The following LINGO2 variants were observed in gnomAD, a reference collection of about 807,000 sequenced individuals.
LINGO2 encodes the protein leucine-rich repeat and immunoglobulin-like domain-containing nogo receptor-interacting protein 2.
LINGO2 carries 14 observed loss-of-function variants against 30.6 expected under a neutral mutation model. The ratio of observed to expected loss-of-function variants is 0.46; its 90% CI spans 0.30 to 0.72. The LOEUF (loss-of-function observed/expected upper bound fraction) is 0.72. Among genes scored for constraint, LINGO2 ranks in the 30% least tolerant of loss-of-function variants. LINGO2 has a pLI of 0.07. For synonymous variants in LINGO2, 317 were observed against 288.5 expected (o/e 1.10, Z -1.00); for missense variants, 729 against 751.7 (o/e 0.97, Z 0.35).
chr9:28,345,014 T>G (rs1819510103), intron 3 of LINGO2, among the ~76,000 whole-genome samples: 1 of 152,066 alleles, frequency 6.6e-6, no homozygotes, highest in Admixed American at 6.6e-5. Context: ...GTTCACTGAC[T>G]CAATATAAAA....
At chr9:28,856,114 T>C in the LINGO2 span, among the ~76,000 whole-genome samples, 47 of 152,030 alleles carry the variant, frequency 3.1e-4, no homozygotes, top group South Asian at 8.1e-3. Flanking sequence ...TTACAGTTGC[T>C]TCAACGAATA....
chr9:28,079,167 ACACAAT>A (rs1468936626), intron 4 of LINGO2, among the ~76,000 whole-genome samples: 2 of 135,290 alleles, frequency 1.5e-5, no homozygotes, highest in African/African-American at 7.7e-5. Context: ...TCAGGTTTTA[ACACAAT>A]CCCAACTGCC....
At chr9:28,117,776 C>G (rs903113683) in intron 4 of LINGO2, among the ~76,000 whole-genome samples, 2 of 149,500 alleles carry the variant, frequency 1.3e-5, no homozygotes, top group Admixed American at 1.3e-4. Flanking sequence ...GGCTCGCGGA[C>G]GGTGCGCACA....
At chr9:28,087,665 C>CATTT (rs1563966380) in intron 4 of LINGO2, among the ~76,000 whole-genome samples, 1 of 151,968 alleles carries the variant, frequency 6.6e-6, no homozygotes, top group African/African-American at 2.4e-5. Flanking sequence ...ACTCAACATG[C>CATTT]ATTTCCATTT....
chr9:28,108,819 T>C (rs1826676757), intron 4 of LINGO2, among the ~76,000 whole-genome samples: 1 of 152,144 alleles, frequency 6.6e-6, no homozygotes, highest in South Asian at 2.1e-4. Context: ...TTTATCCATG[T>C]TTTGTAGATG....
At chr9:28,628,114 G>T (rs921721626) in intron 1 of LINGO2, among the ~76,000 whole-genome samples, 2 of 151,944 alleles carry the variant, frequency 1.3e-5, no homozygotes, top group Non-Finnish European at 2.9e-5. Context: ...AAAGAACGTT[G>T]TCTTCAAAGC....
chr9:28,645,733 C>A (rs180868493), intron 1 of LINGO2, among the ~76,000 whole-genome samples: 245 of 152,080 alleles, frequency 1.6e-3, no homozygotes, highest in African/African-American at 5.8e-3. Flanking sequence ...CCTTGGTAGC[C>A]CTATCTACTG....
chr9:28,606,812 A>T lies in LINGO2; in HGVS notation c.-365+63388T>A, dbSNP rs112266098. The stretch of plus-strand genomic sequence containing the variant: ...TGCAATTATGTAAAATTGAATCATA[A>T]AACGAGTTAGTGGAATAGGAGGATT... On this transcript the variant is annotated intron_variant, in intron 1 of 5. Coordinates refer to ENST00000379992, the Ensembl canonical transcript of LINGO2. Among the ~76,000 whole-genome samples, 9 of 152,238 alleles carry T rather than the reference A, an allele frequency of 5.9e-5. 1 individual carries two copies. The highest frequency in any genetic ancestry group is 1.9e-4 in the African/African-American group (8 of 41,578).
the LINGO2 span, among the ~76,000 whole-genome samples, chr9:28,868,553 C>A: frequency 2.0e-5 from 3 of 152,078 alleles, no homozygotes; most frequent in Admixed American, 2.0e-4. Context: ...AATCTGTCCA[C>A]ATAATAGTCC....
chr9:29,043,846 C>T, the LINGO2 span, among the ~76,000 whole-genome samples: 1 of 151,962 alleles, frequency 6.6e-6, no homozygotes, highest in Admixed American at 6.6e-5. Context: ...CTGGAAAGAA[C>T]CTCATTCATC....
chr9:28,357,288 TAA>T (rs1820247799), intron 3 of LINGO2, among the ~76,000 whole-genome samples: 1 of 142,684 alleles, frequency 7.0e-6, no homozygotes, highest in Non-Finnish European at 1.5e-5. Flanking sequence ...GTTAAACCTC[TAA>T]AAGTCTTTCA....
intron 1 of LINGO2, among the ~76,000 whole-genome samples, chr9:28,647,893 C>CT (rs5897315): frequency 0.1 from 13,659 of 130,200 alleles, 818 homozygotes; most frequent in East Asian, 0.24. Flanking sequence ...TTCTTTCTTT[C>CT]TTTTTTTTTT....
At chr9:28,064,205 G>A (rs915620155) in intron 4 of LINGO2, among the ~76,000 whole-genome samples, 7 of 152,072 alleles carry the variant, frequency 4.6e-5, no homozygotes, top group African/African-American at 1.7e-4. Context: ...CTCTTGCTGT[G>A]TTTAGGACAG....
intron 4 of LINGO2, among the ~76,000 whole-genome samples, chr9:28,087,048 C>G (rs1470222995): frequency 1.3e-5 from 2 of 152,118 alleles, no homozygotes; most frequent in Non-Finnish European, 1.5e-5. Flanking sequence ...TGCTTCTAAT[C>G]ACTCTCTGCT....
chr9:28,867,322 A>T, the LINGO2 span, among the ~76,000 whole-genome samples: 2 of 152,172 alleles, frequency 1.3e-5, no homozygotes, highest in African/African-American at 4.8e-5. Flanking sequence ...CCTACTGGTT[A>T]TTTTTTTCTC....
chr9:28,125,137 T>G (rs1827202194), intron 4 of LINGO2, among the ~76,000 whole-genome samples: 1 of 152,130 alleles, frequency 6.6e-6, no homozygotes, highest in Non-Finnish European at 1.5e-5. Context: ...AGCAAAACAC[T>G]GGGGATAGTG....
chr9:28,417,497 AATT>A (rs1255842270), intron 2 of LINGO2, among the ~76,000 whole-genome samples: 2 of 152,196 alleles, frequency 1.3e-5, no homozygotes, highest in Non-Finnish European at 2.9e-5. Context: ...TACACTACAT[AATT>A]ATTAGGAGAT....
At chr9:28,290,822 T>C (rs1196880953) in intron 4 of LINGO2, among the ~76,000 whole-genome samples, 1 of 152,190 alleles carries the variant, frequency 6.6e-6, no homozygotes. Flanking sequence ...AATGTCAGTT[T>C]CAAGCTTTAA....
At chr9:28,526,055 C>CAGAAAAAAAAA (rs1821020282) in intron 1 of LINGO2, among the ~76,000 whole-genome samples, 1 of 48,516 alleles carries the variant, frequency 2.1e-5, no homozygotes, top group Non-Finnish European at 3.7e-5. Context: ...GACTCCGTCT[C>CAGAAAAAAAAA]AAAAAAAAAA....
Sources: allele counts gnomAD v4.1 joint callset (sites outside exome capture counted in the v4.1 genomes callset), GRCh38; gene constraint gnomAD v4.1.1; transcripts MANE v1.5; gene names NCBI Gene and HGNC (gene_info 2026-07-23, HGNC 2026-07-21).